Variants in PCSK5 observed in about 807,000 individuals in gnomAD.
The protein encoded by PCSK5 is prohormone convertase 5.
PCSK5 carries 129 observed loss-of-function variants against 233.2 expected under a neutral mutation model. The ratio of observed to expected loss-of-function variants is 0.55; its 90% CI spans 0.48 to 0.64. PCSK5 has a LOEUF of 0.64. Among genes scored for constraint, PCSK5 ranks in the 30% least tolerant of loss-of-function variants. The probability of loss-of-function intolerance (pLI) is 0.00; values close to 1 mark genes in which losing one functional copy is unlikely to be tolerated. For synonymous variants in PCSK5, 825 were observed against 879.2 expected (o/e 0.94, Z 1.09); for missense variants, 2,076 against 2,430.1 (o/e 0.85, Z 3.06).
At chr9:75,978,640 A>C (rs1157018859) in intron 2 of PCSK5, among the ~76,000 whole-genome samples, 2 of 152,188 alleles carry the variant, frequency 1.3e-5, no homozygotes, top group Non-Finnish European at 2.9e-5. Flanking sequence ...TAGATGTTTT[A>C]ATAGCTCCAG....
chr9:75,953,323 A>G (rs2131328817), intron 2 of PCSK5, among the ~76,000 whole-genome samples: 1 of 152,240 alleles, frequency 6.6e-6, no homozygotes, highest in East Asian at 1.9e-4. Context: ...AGAGATAGGG[A>G]GGAGGGGAGG....
intron 2 of PCSK5, among the ~76,000 whole-genome samples, chr9:75,979,813 A>G (rs1431745044): frequency 1.3e-5 from 2 of 152,202 alleles, no homozygotes; most frequent in Admixed American, 6.5e-5. Flanking sequence ...CCCTTCCTCC[A>G]TAATCACTTT....
intron 9 of PCSK5, among the ~76,000 whole-genome samples, chr9:76,110,730 G>C (rs1288854617): frequency 6.6e-6 from 1 of 152,168 alleles, no homozygotes; most frequent in Non-Finnish European, 1.5e-5. Flanking sequence ...AGAAAAAGAA[G>C]TGGAATGAAA....
chr9:76,151,204 G>A (rs1395583980), intron 10 of PCSK5, among the ~76,000 whole-genome samples: 1 of 152,100 alleles, frequency 6.6e-6, no homozygotes, highest in African/African-American at 2.4e-5. Context: ...TCAGCACATT[G>A]AGGATCAAAG....
intron 7 of PCSK5, among the ~76,000 whole-genome samples, chr9:76,094,985 A>T (rs1458866408): frequency 6.6e-6 from 1 of 152,228 alleles, no homozygotes; most frequent in Non-Finnish European, 1.5e-5. Context: ...GCATTCTAAG[A>T]TAATGTTAAT....
At chr9:76,092,842 C>T (rs1831351044) in intron 7 of PCSK5, among the ~76,000 whole-genome samples, 1 of 152,110 alleles carries the variant, frequency 6.6e-6, no homozygotes, top group African/African-American at 2.4e-5. Flanking sequence ...TTGGCCATAA[C>T]ATTAAAAAAT....
chr9:76,039,652 T>C (rs1346341213), intron 5 of PCSK5, among the ~76,000 whole-genome samples: 3 of 152,240 alleles, frequency 2.0e-5, no homozygotes, highest in Non-Finnish European at 4.4e-5. Flanking sequence ...TACATGTTTG[T>C]ACTTGAAAAG....
chr9:76,169,223 T>A (rs1283083412), intron 12 of PCSK5, among the ~76,000 whole-genome samples: 1 of 152,162 alleles, frequency 6.6e-6, no homozygotes, highest in Non-Finnish European at 1.5e-5. Context: ...CATATGAAGT[T>A]TTTCGTGTGA....
chr9:76,253,900 T>C (rs10781353), intron 24 of PCSK5, among the ~76,000 whole-genome samples: 66,269 of 152,034 alleles, frequency 0.44, 16,463 homozygotes, highest in East Asian at 0.68. Context: ...CTCTTTGTTA[T>C]AAGTAAACAC....
chr9:76,092,793 T>C (rs1010832086), intron 7 of PCSK5, among the ~76,000 whole-genome samples: 1 of 152,210 alleles, frequency 6.6e-6, no homozygotes, highest in Non-Finnish European at 1.5e-5. Flanking sequence ...CCTCTGTTGT[T>C]TTTAGTACAC....
intron 28 of PCSK5, among the ~76,000 whole-genome samples, chr9:76,304,378 T>C (rs531375121): frequency 1.3e-5 from 2 of 152,226 alleles, no homozygotes; most frequent in Non-Finnish European, 2.9e-5. Flanking sequence ...GCTCATCAGC[T>C]TTGTATCCAT....
At chr9:75,897,050 G>A (rs1185319248) in intron 1 of PCSK5, among the ~76,000 whole-genome samples, 2 of 152,102 alleles carry the variant, frequency 1.3e-5, no homozygotes, top group African/African-American at 4.8e-5. Flanking sequence ...CTGACCCTCA[G>A]TTCCTCATTT....
At chr9:76,233,329 C>G (rs1371052365) in intron 21 of PCSK5, 131 bp from the exon 22 acceptor site, 1 of 854,850 alleles carries the variant, frequency 1.2e-6, no homozygotes, top group African/African-American at 1.7e-5. Context: ...TGATCACTCC[C>G]AGGCATCCCC....
rs1829423414 is a variant in PCSK5 at position 76,328,136 on chromosome 9, T to C, written c.4467T>C (p.Asp1489=). ...NEKCSPSEYW[D]EDAPGCKPCH... ...AGTGCTCACCCTCCGAGTACTGGGA[T>C]GAGGATGCTCCCGGGTGCAAGCCCT... The change falls in exon 33 of 38, where the codon GAT becomes GAC. Residue 1489 remains aspartate (D), a synonymous_variant. Coordinates refer to ENST00000674117, the MANE Select transcript of PCSK5 (RefSeq NM_001372043.1). 6.2e-7 allele frequency: 1 copy of C among 1,612,554 alleles called. No homozygotes were observed. The highest frequency in any genetic ancestry group is 1.3e-5 in the African/African-American group (1 of 74,932).
intron 8 of PCSK5, among the ~76,000 whole-genome samples, chr9:76,101,458 A>T (rs1043963167): frequency 6.6e-6 from 1 of 152,230 alleles, no homozygotes; most frequent in Non-Finnish European, 1.5e-5. Flanking sequence ...GATCCTATCT[A>T]TAACCCCTCA....
chr9:76,269,107 G>A (rs1827427474), intron 24 of PCSK5, among the ~76,000 whole-genome samples: 1 of 152,184 alleles, frequency 6.6e-6, no homozygotes, highest in South Asian at 2.1e-4. Flanking sequence ...GGAGTCATTT[G>A]CTCCTCAGCC....
intron 20 of PCSK5, chr9:76,194,714 G>A (rs962979643): frequency 2.8e-5 from 13 of 457,580 alleles, no homozygotes; most frequent in South Asian, 6.4e-5. Context: ...GGCCAGAAAC[G>A]ATGAAATCTT....
intron 8 of PCSK5, among the ~76,000 whole-genome samples, chr9:76,097,984 C>T (rs1171062109): frequency 1.3e-5 from 2 of 152,216 alleles, no homozygotes; most frequent in Admixed American, 6.5e-5. Context: ...CAGATCTACG[C>T]AGGTTGGGGT....
chr9:75,990,549 C>A (rs1826724320), intron 3 of PCSK5, among the ~76,000 whole-genome samples: 1 of 152,186 alleles, frequency 6.6e-6, no homozygotes, highest in African/African-American at 2.4e-5. Context: ...CAGTTCACTT[C>A]TTGTTGCATT....
Sources: allele counts gnomAD v4.1 joint callset (sites outside exome capture counted in the v4.1 genomes callset), GRCh38; gene constraint gnomAD v4.1.1; transcripts MANE v1.5; gene names NCBI Gene and HGNC (gene_info 2026-07-23, HGNC 2026-07-21).